Variants in PTPRT observed in about 807,000 individuals in gnomAD.
PTPRT encodes receptor-type tyrosine-protein phosphatase T.
PTPRT carries 56 observed loss-of-function variants against 176.8 expected under a neutral mutation model. That is an observed-to-expected ratio of 0.32 (90% CI 0.26 to 0.40). PTPRT has a LOEUF of 0.40. Among genes scored for constraint, PTPRT ranks in the 10% least tolerant of loss-of-function variants. The probability of loss-of-function intolerance (pLI) is 1.00; values close to 1 mark genes in which losing one functional copy is unlikely to be tolerated. For missense variants in PTPRT, 1,540 were observed against 1,908.2 expected (o/e 0.81, Z 3.60); for synonymous variants, 783 against 739.0 (o/e 1.06, Z -0.96).
chr20:42,392,425 G>A (rs986769879), intron 9 of PTPRT, among the ~76,000 whole-genome samples: 4 of 148,970 alleles, frequency 2.7e-5, no homozygotes, highest in African/African-American at 1.0e-4. Context: ...CTTTCTTTTG[G>A]TATTTCTCAA....
At chr20:42,742,118 T>C (rs2076620376) in intron 6 of PTPRT, among the ~76,000 whole-genome samples, 1 of 151,958 alleles carries the variant, frequency 6.6e-6, no homozygotes, top group African/African-American at 2.4e-5. Flanking sequence ...TTTCAGACAA[T>C]TGAATCCCAA....
chr20:43,168,666 G>A (rs1218438910), intron 1 of PTPRT, among the ~76,000 whole-genome samples: 2 of 152,148 alleles, frequency 1.3e-5, no homozygotes, highest in Non-Finnish European at 2.9e-5. Flanking sequence ...ACATCCTGGA[G>A]TGACTTGGCC....
At chr20:42,618,961 A>G (rs1243565285) in intron 7 of PTPRT, among the ~76,000 whole-genome samples, 1 of 151,740 alleles carries the variant, frequency 6.6e-6, no homozygotes, top group Non-Finnish European at 1.5e-5. Context: ...GTATTTTTAT[A>G]TGTGAATTTG....
At chr20:42,563,366 C>T (rs1301533656) in intron 7 of PTPRT, among the ~76,000 whole-genome samples, 3 of 152,090 alleles carry the variant, frequency 2.0e-5, no homozygotes, top group African/African-American at 4.8e-5. Context: ...AGTTTTCAGA[C>T]AATTGATGGT....
At chr20:42,407,858 T>TA (rs1407568666) in intron 9 of PTPRT, among the ~76,000 whole-genome samples, 1 of 151,768 alleles carries the variant, frequency 6.6e-6, no homozygotes, top group Non-Finnish European at 1.5e-5. Context: ...AGAGCAATAA[T>TA]AAAAAAATCA....
rs373199560 is a variant in PTPRT, at chr20:42,532,088, A to T, written c.1154-59526T>A. On this transcript the variant is annotated intron_variant, in intron 7 of 30. Transcript: ENST00000373187. ...GGACGAGAGGAGGCAGTGCTGTGGG[A>T]CCCTTTGTCTCTCTCGTGCTTGGGG... Among the ~76,000 whole-genome samples the T allele has an allele frequency of 3.2e-3, 480 of 152,060 alleles. 22 individuals carry two copies. The South Asian group carries it at 0.094, about 30-fold the overall frequency.
rs113518091 is a variant in PTPRT, at chr20:42,993,492, A to G, written c.89-107560T>C. 6.2e-5 allele frequency among the ~76,000 whole-genome samples: 6 copies of G among 96,700 alleles called. 1 individual carries two copies. The highest frequency in any genetic ancestry group is 2.8e-4 in the South Asian group (1 of 3,570). The allele number at this position is 96,700 out of a possible 152,430, so 63.4% of individuals were successfully genotyped here. The stretch of plus-strand genomic sequence containing the variant: ...TATATATACACATATATGTGTGTGT[A>G]TATATATACACATATATGTGTGTGT... On this transcript the variant is annotated intron_variant, in intron 1 of 30. Coordinates refer to ENST00000373187, the MANE Select transcript of PTPRT (RefSeq NM_007050.6).
chr20:42,593,602 A>G (rs1181619175), intron 7 of PTPRT, among the ~76,000 whole-genome samples: 1 of 152,048 alleles, frequency 6.6e-6, no homozygotes, highest in Non-Finnish European at 1.5e-5. Flanking sequence ...ACAACCTTAA[A>G]CTCTCATCGA....
chr20:42,697,433 A>G (rs548117552), intron 6 of PTPRT, among the ~76,000 whole-genome samples: 1 of 152,364 alleles, frequency 6.6e-6, no homozygotes, highest in East Asian at 1.9e-4. Context: ...ATATTCTATG[A>G]TCCTGATATC....
intron 1 of PTPRT, among the ~76,000 whole-genome samples, chr20:42,995,983 C>G (rs547131552): frequency 6.6e-6 from 1 of 152,040 alleles, no homozygotes; most frequent in South Asian, 2.1e-4. Context: ...TCACTATACC[C>G]AGCTAAATTT....
At chr20:42,879,768 T>TGTGTGC (rs2078988244) in intron 2 of PTPRT, among the ~76,000 whole-genome samples, 2 of 152,044 alleles carry the variant, frequency 1.3e-5, no homozygotes, top group African/African-American at 4.8e-5. Context: ...CGCGTGTGTG[T>TGTGTGC]GTGTGCATGT....
At chr20:42,844,050 T>C (rs920707015) in intron 2 of PTPRT, among the ~76,000 whole-genome samples, 3 of 152,214 alleles carry the variant, frequency 2.0e-5, no homozygotes, top group Admixed American at 6.5e-5. Flanking sequence ...AGTGTATGTA[T>C]TGAGGACATG....
intron 9 of PTPRT, among the ~76,000 whole-genome samples, chr20:42,387,942 C>T (rs975559700): frequency 6.6e-6 from 1 of 152,108 alleles, no homozygotes; most frequent in African/African-American, 2.4e-5. Flanking sequence ...CAGGCGCCCA[C>T]CACTAAGTCC....
At chr20:42,617,640 A>G (rs1222708903) in intron 7 of PTPRT, among the ~76,000 whole-genome samples, 1 of 138,314 alleles carries the variant, frequency 7.2e-6, no homozygotes, top group African/African-American at 3.2e-5. Flanking sequence ...CTATTCAGAG[A>G]TTCAACTTCT....
chr20:42,609,882 T>C (rs777718380), intron 7 of PTPRT, among the ~76,000 whole-genome samples: 3 of 152,218 alleles, frequency 2.0e-5, no homozygotes, highest in Non-Finnish European at 4.4e-5. Flanking sequence ...CATTTTAAAA[T>C]ATACATTTCA....
chr20:42,593,168 A>G (rs963504900), intron 7 of PTPRT, among the ~76,000 whole-genome samples: 4 of 152,140 alleles, frequency 2.6e-5, no homozygotes, highest in Non-Finnish European at 5.9e-5. Flanking sequence ...AGTAATCATC[A>G]TGGAATCTCA....
chr20:42,662,340 T>TA (rs1284834221), intron 7 of PTPRT, among the ~76,000 whole-genome samples: 1 of 152,112 alleles, frequency 6.6e-6, no homozygotes, highest in Non-Finnish European at 1.5e-5. Context: ...GCATTGTACT[T>TA]AGAGTTCTAT....
intron 1 of PTPRT, among the ~76,000 whole-genome samples, chr20:42,941,226 T>C (rs1044720154): frequency 6.6e-6 from 1 of 152,166 alleles, no homozygotes; most frequent in African/African-American, 2.4e-5. Context: ...CAAAGCCCAC[T>C]CAGCTGGAAA....
At chr20:42,742,570 G>A (rs1332953960) in intron 6 of PTPRT, among the ~76,000 whole-genome samples, 1 of 152,140 alleles carries the variant, frequency 6.6e-6, no homozygotes, top group African/African-American at 2.4e-5. Context: ...GCTTGCATAG[G>A]GGAGTTTTTT....
Sources: allele counts gnomAD v4.1 joint callset (sites outside exome capture counted in the v4.1 genomes callset), GRCh38; gene constraint gnomAD v4.1.1; transcripts MANE v1.5; gene names NCBI Gene and HGNC (gene_info 2026-07-23, HGNC 2026-07-21).